The following ANKRD31 variants were observed in gnomAD, a reference collection of about 807,000 sequenced individuals.
ANKRD31 encodes ankyrin repeat domain-containing protein 31.
A neutral mutation model predicts 186.0 loss-of-function variants in ANKRD31; 147 were observed. That is an observed-to-expected ratio of 0.79 (90% confidence interval 0.69 to 0.91). The LOEUF (loss-of-function observed/expected upper bound fraction) is 0.91. Among genes scored for constraint, ANKRD31 ranks in the 40% least tolerant of loss-of-function variants. The pLI, the probability that ANKRD31 is intolerant of heterozygous loss-of-function variation, is 0.00. For synonymous variants in ANKRD31, 673 were observed against 736.4 expected (o/e 0.91, Z 1.39); for missense variants, 1,986 against 2,148.8 (o/e 0.92, Z 1.50).
intron 4 of ANKRD31, 66 bp downstream of exon 4, chr5:75,210,762 C>A (rs1363760484): frequency 1.8e-6 from 2 of 1,108,932 alleles, no homozygotes; most frequent in Non-Finnish European, 1.2e-6. Flanking sequence ...AATGAATATT[C>A]ATCTTAGATG....
intron 23 of ANKRD31, among the ~76,000 whole-genome samples, chr5:75,087,575 T>C (rs533199375): frequency 6.6e-6 from 1 of 152,082 alleles, no homozygotes; most frequent in Non-Finnish European, 1.5e-5. Flanking sequence ...TTTATTCCAT[T>C]GCAAGTTTTA....
chr5:75,089,494 T>C (rs1289562945), intron 23 of ANKRD31, among the ~76,000 whole-genome samples: 2 of 152,122 alleles, frequency 1.3e-5, no homozygotes, highest in African/African-American at 4.8e-5. Flanking sequence ...AGCAAAAAGC[T>C]CCTTTCCTCA....
intron 25 of ANKRD31, 62 bp from the exon 26 acceptor site, chr5:75,068,726 C>T: frequency 7.0e-7 from 1 of 1,421,174 alleles, no homozygotes; most frequent in Admixed American, 2.9e-5. Flanking sequence ...GTAAATTTTG[C>T]TATTACAAAT....
chr5:75,206,248 A>AATAT (rs70979318), intron 5 of ANKRD31, among the ~76,000 whole-genome samples, 163 bp downstream of exon 5: 3 of 10,092 alleles, frequency 3.0e-4, no homozygotes, highest in Admixed American at 1.4e-3. Flanking sequence ...AAAAAAAAAA[A>AATAT]ATATATATAT....
chr5:75,191,973 A>G (rs1755146385), intron 9 of ANKRD31, among the ~76,000 whole-genome samples: 1 of 152,066 alleles, frequency 6.6e-6, no homozygotes, highest in South Asian at 2.1e-4. Flanking sequence ...CCCCTTGTTA[A>G]TATTTTGCCA....
At chr5:75,141,128 C>T (rs1751017033) in intron 15 of ANKRD31, among the ~76,000 whole-genome samples, 1 of 152,146 alleles carries the variant, frequency 6.6e-6, no homozygotes, top group South Asian at 2.1e-4. Flanking sequence ...TCTTGCTCTA[C>T]TTCCTAAATG....
chr5:75,108,030 C>T (rs1400415424), intron 20 of ANKRD31, among the ~76,000 whole-genome samples: 1 of 151,808 alleles, frequency 6.6e-6, no homozygotes, highest in Non-Finnish European at 1.5e-5. Context: ...TAAATATTTA[C>T]ATAGATGAAA....
chr5:75,160,672 G>C (rs1444155930), intron 11 of ANKRD31, among the ~76,000 whole-genome samples: 22 of 152,124 alleles, frequency 1.4e-4, no homozygotes. Flanking sequence ...CTGGAGTGGT[G>C]GTCTGGTTTG....
chr5:75,140,344 A>C (rs1750962844), intron 15 of ANKRD31, among the ~76,000 whole-genome samples: 1 of 151,906 alleles, frequency 6.6e-6, no homozygotes, highest in Non-Finnish European at 1.5e-5. Flanking sequence ...GAAGGAAGGA[A>C]GGAACTGCAT....
At chr5:75,173,894 G>C (rs902553334) in intron 10 of ANKRD31, among the ~76,000 whole-genome samples, 3 of 151,926 alleles carry the variant, frequency 2.0e-5, no homozygotes, top group African/African-American at 7.3e-5. Context: ...AGTTCATATG[G>C]AACCAAAAAA....
chr5:75,166,333 T>C (rs1752918370), intron 11 of ANKRD31, among the ~76,000 whole-genome samples: 1 of 151,994 alleles, frequency 6.6e-6, no homozygotes, highest in Non-Finnish European at 1.5e-5. Context: ...TAGCTGAGCA[T>C]GGTGATACAT....
rs1756937536 is a variant in ANKRD31, at chr5:75,216,002, T to C, written c.289-5137A>G. Among the ~76,000 whole-genome samples the C allele has an allele frequency of 2.0e-5, 3 of 152,288 alleles. No homozygotes were observed. The South Asian group carries it at 6.2e-4, about 32-fold the overall frequency. Reference sequence around the variant, plus strand: ...TTAAAATTTGCTACAGATGTTCACATACTGGGATTACATTGCCTTTTACTG... The same window carrying C: ...TTAAAATTTGCTACAGATGTTCACACACTGGGATTACATTGCCTTTTACTG... On this transcript the variant is annotated intron_variant, in intron 3 of 25. Coordinates refer to ENST00000506364, the MANE Select transcript of ANKRD31 (RefSeq NM_001372053.1).
chr5:75,218,426 T>C (rs1757092220), intron 3 of ANKRD31, among the ~76,000 whole-genome samples: 1 of 152,122 alleles, frequency 6.6e-6, no homozygotes, highest in Middle Eastern at 3.4e-3. Context: ...AGACCAATAA[T>C]GAGCTCTGAA....
intron 19 of ANKRD31, among the ~76,000 whole-genome samples, chr5:75,114,679 A>G (rs1214984167): frequency 6.6e-6 from 1 of 152,162 alleles, no homozygotes; most frequent in Non-Finnish European, 1.5e-5. Flanking sequence ...AGAATAAAAT[A>G]CCTAGGAATC....
chr5:75,142,754 C>CAGG (rs1322203482), intron 15 of ANKRD31, among the ~76,000 whole-genome samples: 1 of 152,110 alleles, frequency 6.6e-6, no homozygotes, highest in African/African-American at 2.4e-5. Context: ...GGGTGATCAG[C>CAGG]AGGAGGTAAG....
intron 12 of ANKRD31, among the ~76,000 whole-genome samples, chr5:75,151,256 C>T (rs920180696): frequency 6.6e-6 from 1 of 151,960 alleles, no homozygotes. Context: ...ACACACCTAA[C>T]AATAATTGGA....
intron 17 of ANKRD31, among the ~76,000 whole-genome samples, chr5:75,119,902 C>T (rs1176229393): frequency 2.0e-5 from 3 of 151,972 alleles, no homozygotes; most frequent in Non-Finnish European, 4.4e-5. Context: ...AAATGACAAA[C>T]TTCACAGAAT....
chr5:75,082,707 C>G (rs1398523474), intron 24 of ANKRD31, among the ~76,000 whole-genome samples: 1 of 152,242 alleles, frequency 6.6e-6, no homozygotes, highest in South Asian at 2.1e-4. Context: ...AAACAACACT[C>G]ATTTTTTCCT....
intron 6 of ANKRD31, among the ~76,000 whole-genome samples, chr5:75,197,794 A>C (rs1755568574): frequency 6.6e-6 from 1 of 152,218 alleles, no homozygotes; most frequent in African/African-American, 2.4e-5. Flanking sequence ...CAGAATACAA[A>C]TAATGTCATA....
Sources: gnomAD v4.1 joint callset for allele counts (sites outside exome capture counted in the v4.1 genomes callset) on GRCh38, gnomAD v4.1.1 for gene constraint, MANE v1.5 for transcripts, NCBI Gene and HGNC (gene_info 2026-07-23, HGNC 2026-07-21) for gene names.